SYN3: variants seen among roughly 807,000 people sequenced by gnomAD.
SYN3 encodes synapsin III.
In SYN3, 35 loss-of-function variants were observed where a neutral mutation model predicts 65.8. That is an observed-to-expected ratio of 0.53 (90% confidence interval 0.41 to 0.70). SYN3 has a LOEUF of 0.70. SYN3 is among the 30% of genes least tolerant of loss of function. SYN3 has a pLI of 0.00. For synonymous variants in SYN3, 270 were observed against 292.9 expected, an observed-to-expected ratio of 0.92 and a Z score of 0.80; for missense variants, 680 against 749.0, an observed-to-expected ratio of 0.91 and a Z score of 1.08.
At position 32,574,729 on chromosome 22, in the gene SYN3, A is replaced by G. The variant is rs75784682; in HGVS notation, c.774+21945T>C. Among the ~76,000 whole-genome samples, 1,433 of 152,272 alleles carry G rather than the reference A, an allele frequency of 9.4e-3. 23 individuals carry two copies. Among genetic ancestry groups the G allele is most frequent in the African/African-American group, 0.033 (1,367 of 41,554 alleles). On this transcript the variant is annotated intron_variant, in intron 7 of 13. Transcript: ENST00000358763. ...CAAAGCTCTCGCTGCAGCCAGTCCC[A>G]TAGCTAGGCAGCGCCTTCTCATGAT...
intron 3 of SYN3, among the ~76,000 whole-genome samples, chr22:32,973,923 G>A (rs570455963): frequency 6.6e-6 from 1 of 152,298 alleles, no homozygotes; most frequent in African/African-American, 2.4e-5. Context: ...CAAATAGCTG[G>A]GATTACAGGC....
At chr22:33,046,283 T>C (rs909132073) in intron 1 of SYN3, among the ~76,000 whole-genome samples, 2 of 152,204 alleles carry the variant, frequency 1.3e-5, no homozygotes, top group Non-Finnish European at 2.9e-5. Flanking sequence ...GTTTGGAAGT[T>C]TCTTATAAAG....
chr22:32,975,683 A>C (rs1164115269), intron 3 of SYN3, among the ~76,000 whole-genome samples: 1 of 152,238 alleles, frequency 6.6e-6, no homozygotes, highest in African/African-American at 2.4e-5. Flanking sequence ...ATCACATCAA[A>C]TTTAATCTGG....
At chr22:32,730,334 C>T (rs1490890764) in intron 6 of SYN3, among the ~76,000 whole-genome samples, 3 of 152,334 alleles carry the variant, frequency 2.0e-5, no homozygotes, top group South Asian at 2.1e-4. Flanking sequence ...CTTCGACACT[C>T]GGCTTACTGA....
chr22:32,728,621 G>A (rs2061229103), intron 6 of SYN3, among the ~76,000 whole-genome samples: 1 of 152,218 alleles, frequency 6.6e-6, no homozygotes, highest in Non-Finnish European at 1.5e-5. Context: ...GGCAATCTCA[G>A]GGAGCACAAG....
chr22:32,676,880 C>A (rs2060454108), intron 6 of SYN3, among the ~76,000 whole-genome samples: 1 of 152,128 alleles, frequency 6.6e-6, no homozygotes, highest in African/African-American at 2.4e-5. Flanking sequence ...ACGTGACAGG[C>A]CTTGTGCGGC....
At chr22:32,919,064 T>G (rs937357458) in intron 4 of SYN3, among the ~76,000 whole-genome samples, 3 of 152,160 alleles carry the variant, frequency 2.0e-5, no homozygotes, top group Non-Finnish European at 4.4e-5. Flanking sequence ...AGCACAATCT[T>G]GATGGATGAG....
intron 6 of SYN3, among the ~76,000 whole-genome samples, chr22:32,706,745 C>G (rs1182924091): frequency 2.0e-5 from 3 of 152,270 alleles, no homozygotes; most frequent in Admixed American, 2.0e-4. Context: ...GCACCCTTTG[C>G]TCCCTGACCA....
intron 6 of SYN3, chr22:32,802,223 G>A: frequency 6.8e-7 from 1 of 1,470,928 alleles, no homozygotes; most frequent in Admixed American, 2.2e-5. Context: ...TCTGCCCCAG[G>A]AGAGGGGCAG....
chr22:32,603,249 A>C (rs1395852235), intron 6 of SYN3, among the ~76,000 whole-genome samples: 2 of 151,812 alleles, frequency 1.3e-5, no homozygotes, highest in Admixed American at 6.6e-5. Flanking sequence ...GCGGTGGCTC[A>C]TGCCTGTAAT....
chr22:32,993,729 A>G (rs1433445563), intron 2 of SYN3, among the ~76,000 whole-genome samples: 1 of 151,918 alleles, frequency 6.6e-6, no homozygotes, highest in South Asian at 2.1e-4. Flanking sequence ...TCATTGTGAT[A>G]GAAAGTCTTT....
At chr22:32,559,755 G>C (rs998133669) in intron 7 of SYN3, among the ~76,000 whole-genome samples, 2 of 151,970 alleles carry the variant, frequency 1.3e-5, no homozygotes, top group African/African-American at 4.8e-5. Context: ...GTGTGAACCT[G>C]GGAGGCAGAG....
At position 32,624,742 on chromosome 22, in the gene SYN3, G is replaced by A. The variant is rs77660465; in HGVS notation, c.712-28006C>T. On this transcript the variant is annotated intron_variant, in intron 6 of 13. Transcript: ENST00000358763. ...TCCACATCTAAAGTTCCCAGGTCTG[G>A]GCCCTGCCAACAGGAATTCTCTCCT... 6.6e-3 allele frequency among the ~76,000 whole-genome samples: 1,004 copies of A among 152,280 alleles called. 10 individuals are homozygous for A. The highest frequency in any genetic ancestry group is 0.023 in the African/African-American group (976 of 41,544).
intron 2 of SYN3, among the ~76,000 whole-genome samples, chr22:33,002,439 C>T (rs908856084): frequency 6.6e-6 from 1 of 152,012 alleles, no homozygotes; most frequent in African/African-American, 2.4e-5. Flanking sequence ...GTCAGGAGAT[C>T]GAGACCCTCC....
chr22:32,774,109 C>T (rs1030197746), intron 6 of SYN3, among the ~76,000 whole-genome samples: 2 of 151,988 alleles, frequency 1.3e-5, no homozygotes, highest in Non-Finnish European at 2.9e-5. Flanking sequence ...ATGGGATAGC[C>T]ATGAACGGAT....
At chr22:32,951,765 C>T (rs2051297262) in intron 3 of SYN3, among the ~76,000 whole-genome samples, 1 of 152,186 alleles carries the variant, frequency 6.6e-6, no homozygotes, top group South Asian at 2.1e-4. Context: ...TTTGAGGTGA[C>T]TCCCGTTGGA....
At chr22:32,934,484 C>T (rs1403858215) in intron 3 of SYN3, among the ~76,000 whole-genome samples, 4 of 152,078 alleles carry the variant, frequency 2.6e-5, no homozygotes, top group East Asian at 1.9e-4. Flanking sequence ...AGCCAGCTTC[C>T]GTGGGATCAA....
At chr22:32,571,046 A>AATGTTGGCT (rs550958021) in intron 7 of SYN3, among the ~76,000 whole-genome samples, 6 of 152,156 alleles carry the variant, frequency 3.9e-5, no homozygotes, top group Non-Finnish European at 8.8e-5. Flanking sequence ...GTGTTTCTAA[A>AATGTTGGCT]ATGTTGGCTA....
intron 6 of SYN3, among the ~76,000 whole-genome samples, chr22:32,734,309 T>C (rs1178597444): frequency 6.6e-6 from 1 of 152,202 alleles, no homozygotes; most frequent in Admixed American, 6.5e-5. Context: ...CCTTATCCGC[T>C]CTATCATCTT....
Sources: gnomAD v4.1 joint callset for allele counts (sites outside exome capture counted in the v4.1 genomes callset) on GRCh38, gnomAD v4.1.1 for gene constraint, MANE v1.5 for transcripts, NCBI Gene and HGNC (gene_info 2026-07-23, HGNC 2026-07-21) for gene names.